Variants in ASAH2 observed in about 807,000 individuals in gnomAD.
ASAH2 encodes the protein N-acylsphingosine amidohydrolase 2.
Under a neutral mutation model 82.9 loss-of-function variants are expected in ASAH2, and 58 were observed. The ratio of observed to expected loss-of-function variants is 0.70; its 90% CI spans 0.57 to 0.87. The LOEUF (loss-of-function observed/expected upper bound fraction) is 0.87, where lower values mean the gene tolerates loss of function less well. ASAH2 is among the 40% of genes least tolerant of loss of function. The pLI, the probability that ASAH2 is intolerant of heterozygous loss-of-function variation, is 0.00. For missense variants in ASAH2, 779 were observed against 834.0 expected, an observed-to-expected ratio of 0.93 and a Z score of 0.81; for synonymous variants, 276 against 289.7, an observed-to-expected ratio of 0.95 and a Z score of 0.48.
chr10:50,213,181 G>A (rs1845506912), intron 9 of ASAH2, 123 bp from the exon 10 acceptor site: 1 of 910,926 alleles, frequency 1.1e-6, no homozygotes. Context: ...TTCTTTTCAG[G>A]TAGTCTCTCA....
At chr10:50,219,757 A>T (rs1845695317) in intron 7 of ASAH2, among the ~76,000 whole-genome samples, 1 of 152,220 alleles carries the variant, frequency 6.6e-6, no homozygotes, top group South Asian at 2.1e-4. Flanking sequence ...TCAGAAGCAG[A>T]TGTAGGGCAG....
rs1321850114 is a variant in ASAH2, at chr10:50,187,164, C to A, written c.*151G>T. 1.4e-3 allele frequency: 293 copies of A among 208,452 alleles called. No individual in the cohort carries two copies. Among genetic ancestry groups the A allele is most frequent in the Middle Eastern group, 3.3e-3 (2 of 600 alleles). 12.9% of individuals were successfully genotyped at this position (208,452 alleles called of 1,614,324 possible). On this transcript the variant is annotated 3_prime_UTR_variant, in exon 21 of 21. Transcript: ENST00000682911. Reference sequence around the variant, plus strand: ...CACACACACACACACACACACACACCCCTCCACCCCATTAGCAGTAAACTA... The same window carrying A: ...CACACACACACACACACACACACACACCTCCACCCCATTAGCAGTAAACTA...
chr10:50,241,904 G>A (rs893961089), intron 4 of ASAH2, among the ~76,000 whole-genome samples: 2 of 152,062 alleles, frequency 1.3e-5, no homozygotes, highest in African/African-American at 4.8e-5. Context: ...AGGGCTAGGG[G>A]AGGGATAGCA....
At chr10:50,195,954 CAG>C (rs1254246435) in intron 18 of ASAH2, among the ~76,000 whole-genome samples, 10 of 151,748 alleles carry the variant, frequency 6.6e-5, no homozygotes, top group Non-Finnish European at 1.3e-4. Flanking sequence ...TTCATTTAGA[CAG>C]AGGGAATAAG....
chr10:50,200,087 C>T (rs1845099825), intron 16 of ASAH2, among the ~76,000 whole-genome samples: 1 of 151,762 alleles, frequency 6.6e-6, no homozygotes, highest in Non-Finnish European at 1.5e-5. Flanking sequence ...AGCCTTCACC[C>T]TCAAGTGTGC....
intron 7 of ASAH2, among the ~76,000 whole-genome samples, chr10:50,221,242 T>C (rs1845736947): frequency 6.6e-6 from 1 of 152,142 alleles, no homozygotes; most frequent in African/African-American, 2.4e-5. Context: ...GAAATTCTAA[T>C]CAACTAGTGT....
chr10:50,246,924 C>T (rs1846472730), intron 2 of ASAH2, among the ~76,000 whole-genome samples: 1 of 152,156 alleles, frequency 6.6e-6, no homozygotes, highest in Non-Finnish European at 1.5e-5. Context: ...TCCGTTTCCC[C>T]AAGCGTAAAA....
intron 8 of ASAH2, among the ~76,000 whole-genome samples, chr10:50,217,411 C>T (rs1173469758): frequency 2.0e-5 from 3 of 151,856 alleles, no homozygotes; most frequent in Non-Finnish European, 4.4e-5. Flanking sequence ...GTATTTTTAG[C>T]AGTGACGGGG....
chr10:50,216,408 A>G (rs957712431), intron 8 of ASAH2, among the ~76,000 whole-genome samples: 3 of 152,192 alleles, frequency 2.0e-5, no homozygotes, highest in African/African-American at 4.8e-5. Flanking sequence ...AAATATTCCA[A>G]TTATCACTGA....
rs769231046 is a variant in ASAH2 at position 50,234,439 on chromosome 10, C to T, written c.801G>A (p.Gln267=). The change falls in exon 6 of 21, where the codon CAG becomes CAA. Residue 267 remains glutamine (Q), a synonymous_variant. Coordinates refer to ENST00000682911, the MANE Select transcript of ASAH2 (RefSeq NM_019893.4). The stretch of plus-strand genomic sequence containing the variant: ...TTCCTCCTCACCTTGCTCTCTCTGA[C>T]TGCGGATTTTGAAGGTAAGAATACG... The part of the protein sequence containing the change: ...RSPYSYLQNP[Q]SERARYSSNT... 2 of 1,613,020 alleles carry T rather than the reference C, an allele frequency of 1.2e-6. No individual in the cohort carries two copies. Among genetic ancestry groups the T allele is most frequent in the Non-Finnish European group, 1.7e-6 (2 of 1,179,234 alleles).
At chr10:50,218,241 T>A (rs1374378955) in intron 8 of ASAH2, among the ~76,000 whole-genome samples, 4 of 152,228 alleles carry the variant, frequency 2.6e-5, no homozygotes, top group African/African-American at 9.6e-5. Flanking sequence ...TATAAAAATC[T>A]TGAACTTTGC....
At chr10:50,206,183 T>A (rs1564836670) in intron 12 of ASAH2, 86 bp from the exon 13 acceptor site, 1 of 966,530 alleles carries the variant, frequency 1.0e-6, no homozygotes, top group Non-Finnish European at 1.7e-6. Context: ...TACAATAATC[T>A]TTTAAGGAGT....
In ASAH2 at chr10:50,186,506, CA is replaced by C. The variant is rs942496096; in HGVS notation, c.*808del. 14 of 137,872 alleles carry C rather than the reference CA, an allele frequency of 1.0e-4. 1 individual carries two copies. Among genetic ancestry groups the C allele is most frequent in the African/African-American group, 3.5e-4 (12 of 34,398 alleles). 8.5% of individuals were successfully genotyped at this position (137,872 alleles called of 1,614,324 possible). On this transcript the variant is annotated 3_prime_UTR_variant, in exon 21 of 21. Transcript: ENST00000682911. ...GGTGAATTTGATTAATGAAAAGAGTCAAAAAATCATTTGGAATAAGTCTTGG... is the reference window on the plus strand; with the variant it reads ...GGTGAATTTGATTAATGAAAAGAGTCAAAAATCATTTGGAATAAGTCTTGG...
At position 50,232,915 on chromosome 10, in the gene ASAH2, G is replaced by A. The variant is rs1228120169; in HGVS notation, c.893+269C>T. ...TTTACTGAATTTTTGTATCATATGC[G>A]AGATGCTGTGCCAAGCTCTTCACCA... is the stretch of plus-strand genomic sequence containing the variant. On this transcript the variant is annotated intron_variant, in intron 7 of 20. Transcript: ENST00000682911. Among the ~76,000 whole-genome samples, 5 of 152,004 alleles carry A rather than the reference G, an allele frequency of 3.3e-5. No homozygotes were observed. In the East Asian group the frequency reaches 9.6e-4, roughly 29 times the overall value.
At chr10:50,232,215 A>G (rs1392302710) in intron 7 of ASAH2, among the ~76,000 whole-genome samples, 1 of 152,142 alleles carries the variant, frequency 6.6e-6, no homozygotes, top group Non-Finnish European at 1.5e-5. Flanking sequence ...TTCACATAGC[A>G]TCTTTTACTT....
At chr10:50,195,261 A>ACATACAAAT (rs1178836174) in intron 18 of ASAH2, among the ~76,000 whole-genome samples, 3 of 151,796 alleles carry the variant, frequency 2.0e-5, no homozygotes, top group African/African-American at 7.3e-5. Context: ...TCTAAAGAAG[A>ACATACAAAT]CATACAAATG....
intron 9 of ASAH2, among the ~76,000 whole-genome samples, chr10:50,213,526 T>C (rs1845517258): frequency 6.6e-5 from 10 of 152,140 alleles, no homozygotes; most frequent in Non-Finnish European, 4.4e-5. Context: ...CTACTTCTTA[T>C]GTCAGAAAAA....
At chr10:50,201,154 T>C (rs1332746566) in intron 16 of ASAH2, among the ~76,000 whole-genome samples, 1 of 151,900 alleles carries the variant, frequency 6.6e-6, no homozygotes, top group East Asian at 1.9e-4. Flanking sequence ...AAGATCATCT[T>C]CCCACACCAT....
At chr10:50,215,148 A>G (rs1845560515) in intron 8 of ASAH2, among the ~76,000 whole-genome samples, 1 of 152,114 alleles carries the variant, frequency 6.6e-6, no homozygotes, top group Non-Finnish European at 1.5e-5. Context: ...ACCAATCCCT[A>G]TGTCCTAAAT....
Sources: allele counts gnomAD v4.1 joint callset (sites outside exome capture counted in the v4.1 genomes callset), GRCh38; gene constraint gnomAD v4.1.1; transcripts MANE v1.5; gene names NCBI Gene and HGNC (gene_info 2026-07-23, HGNC 2026-07-21).